BCAR1: variants seen among roughly 807,000 people sequenced by gnomAD.
BCAR1 encodes the protein breast cancer anti-estrogen resistance protein 1.
Under a neutral mutation model 67.6 loss-of-function variants are expected in BCAR1, and 30 were observed. The observed-to-expected ratio is 0.44, with a 90% CI of 0.33 to 0.60. BCAR1 has a LOEUF of 0.60. BCAR1 is among the 20% of genes least tolerant of loss of function. The pLI, the probability that BCAR1 is intolerant of heterozygous loss-of-function variation, is 0.02. For missense variants in BCAR1, 1,313 were observed against 1,222.3 expected (o/e 1.07, Z -1.11); for synonymous variants, 626 against 556.7 (o/e 1.12, Z -1.75).
At chr16:75,266,116 G>A (rs1455065407) in intron 1 of BCAR1, 3 of 859,822 alleles carry the variant, frequency 3.5e-6, no homozygotes, top group Non-Finnish European at 4.2e-6. Flanking sequence ...GGGGAGGCGC[G>A]GTCTCCTCCG....
At chr16:75,230,093 G>C in intron 6 of BCAR1, 70 bp from the exon 7 acceptor site, 1 of 1,501,766 alleles carries the variant, frequency 6.7e-7, no homozygotes. Flanking sequence ...CGAGACCTGG[G>C]CACCCTGGGC....
In BCAR1 at chr16:75,236,660, A is replaced by G. The variant is rs1462061203; in HGVS notation, c.912+222T>C. ...CTTGCGGATACCCTCTCAGGAGCTC[A>G]TGGAGAAGGCCTCGCAACAGGCGGT... On this transcript the variant is annotated intron_variant, in intron 4 of 6. Coordinates refer to ENST00000162330, the MANE Select transcript of BCAR1 (RefSeq NM_014567.5). 16 of 879,338 alleles carry G rather than the reference A, an allele frequency of 1.8e-5. No individual in the cohort carries two copies. The Admixed American group carries it at 5.0e-4, about 27-fold the overall frequency. 54.5% of individuals were successfully genotyped at this position (879,338 alleles called of 1,614,324 possible). A position where few individuals can be genotyped will look rare whatever the true frequency, so the allele number is the denominator to read the frequency against.
At chr16:75,230,550 A>G (rs946655827) in intron 6 of BCAR1, among the ~76,000 whole-genome samples, 1 of 152,240 alleles carries the variant, frequency 6.6e-6, no homozygotes, top group African/African-American at 2.4e-5. Flanking sequence ...CTGTAATCCA[A>G]TGCCCCTAAA....
chr16:75,250,308 C>T (rs2077639158), intron 1 of BCAR1, among the ~76,000 whole-genome samples: 1 of 152,090 alleles, frequency 6.6e-6, no homozygotes, highest in South Asian at 2.1e-4. Flanking sequence ...ACCTGGGCCC[C>T]GATTCTCCAG....
intron 6 of BCAR1, among the ~76,000 whole-genome samples, 195 bp downstream of exon 6, chr16:75,233,651 T>C (rs182830677): frequency 5.9e-5 from 9 of 152,280 alleles, no homozygotes; most frequent in Admixed American, 5.9e-4. Flanking sequence ...ACAATTACTC[T>C]TGAAAACTTT....
chr16:75,263,570 C>G, intron 1 of BCAR1: 1 of 985,478 alleles, frequency 1.0e-6, no homozygotes, highest in Non-Finnish European at 1.2e-6. Context: ...CCAGCTGATC[C>G]CCGGCATCTC....
At position 75,265,896 on chromosome 16, in the gene BCAR1, C is replaced by A. The variant is rs2077999859; in HGVS notation, c.66+2019G>T. 5 of 1,127,116 alleles carry A rather than the reference C, an allele frequency of 4.4e-6. No homozygotes were observed. In the South Asian group the frequency reaches 1.7e-4, roughly 39 times the overall value. The allele number at this position is 1,127,116 out of a possible 1,614,324, so 69.8% of individuals were successfully genotyped here. A position where few individuals can be genotyped will look rare whatever the true frequency, so the allele number is the denominator to read the frequency against. On this transcript the variant is annotated intron_variant, in intron 1 of 6. Transcript: ENST00000393422. ...GCGCCAGCGGGCTGGGGGCTCGGGT[C>A]CGCCCGCGCCGCTCAGAGGCCCCGC...
chr16:75,234,659 CAG>C (rs1485209178), intron 5 of BCAR1, among the ~76,000 whole-genome samples: 1 of 152,256 alleles, frequency 6.6e-6, no homozygotes, highest in Non-Finnish European at 1.5e-5. Flanking sequence ...CACAGAACAG[CAG>C]AGTCACCGCT....
intron 1 of BCAR1, among the ~76,000 whole-genome samples, chr16:75,261,634 T>C (rs1004725983): frequency 1.3e-5 from 2 of 152,250 alleles, no homozygotes; most frequent in African/African-American, 4.8e-5. Flanking sequence ...CAGGTCACTC[T>C]CTGGTTGGAG....
intron 5 of BCAR1, among the ~76,000 whole-genome samples, chr16:75,234,160 GACAGACACACACACACACACACACACAC>G (rs1273884508): frequency 1.1e-5 from 1 of 87,804 alleles, no homozygotes; most frequent in Non-Finnish European, 2.4e-5. Flanking sequence ...GGGGCAGGCA[GACAGACACACACACACACACACACACAC>G]ACACACACAC....
chr16:75,235,126 C>T lies in BCAR1; in HGVS notation c.1773G>A (p.Lys591=), dbSNP rs1381735840. 2.5e-6 allele frequency: 4 copies of T among 1,610,236 alleles called. No individual in the cohort carries two copies. Among genetic ancestry groups the T allele is most frequent in the Non-Finnish European group, 2.5e-6 (3 of 1,179,984 alleles). ...TGCCGTGCAGGAAGGAGGCCAGCTG[C>T]TTGGCGTCCTCGGGCACAGCCCGCG... ...ACSRAVPEDA[K]QLASFLHGNA... is the part of the protein sequence containing the mutation. Residue 591 remains lysine (K), a synonymous_variant, in exon 5 of 7, where the codon AAG becomes AAA. Coordinates refer to ENST00000162330, the MANE Select transcript of BCAR1 (RefSeq NM_014567.5).
chr16:75,244,907 A>C (rs1256148421), intron 1 of BCAR1, among the ~76,000 whole-genome samples: 4 of 152,268 alleles, frequency 2.6e-5, no homozygotes, highest in Non-Finnish European at 4.4e-5. Flanking sequence ...AGAGAGGGTC[A>C]GGAAGACACC....
At position 75,257,794 on chromosome 16, in the gene BCAR1, G is replaced by A. The variant is rs892195124; in HGVS notation, c.66+10121C>T. Among the ~76,000 whole-genome samples the A allele has an allele frequency of 7.2e-5, 11 of 152,302 alleles. No homozygotes were observed. In the East Asian group the frequency reaches 1.9e-3, roughly 27 times the overall value. On this transcript the variant is annotated intron_variant, in intron 1 of 6. Coordinates refer to the BCAR1 transcript ENST00000393422. Reference sequence around the variant, plus strand: ...TTTTTCTCCCTCCTTGGACAGCATCGTGGGGCTAGGCTGGGTGTCCCACTG... The same window carrying A: ...TTTTTCTCCCTCCTTGGACAGCATCATGGGGCTAGGCTGGGTGTCCCACTG...
intron 1 of BCAR1, chr16:75,266,625 C>T (rs2078013031): frequency 2.1e-6 from 2 of 936,988 alleles, no homozygotes; most frequent in Non-Finnish European, 2.8e-6. Flanking sequence ...TGGGCACGTG[C>T]ATGTTCGTCC....
intron 1 of BCAR1, chr16:75,266,080 G>A (rs1426000445): frequency 6.0e-6 from 6 of 1,003,572 alleles, no homozygotes; most frequent in South Asian, 4.7e-5. Flanking sequence ...CCGGACCTAG[G>A]CCTTTTTCTG....
At chr16:75,266,040 G>C (rs2078004391) in intron 1 of BCAR1, 1 of 1,026,468 alleles carries the variant, frequency 9.7e-7, no homozygotes, top group Admixed American at 5.7e-5. Context: ...CACCGTCTCC[G>C]CGGCCAGGGA....
At chr16:75,252,592 G>A (rs1205092488), upstream of BCAR1, among the ~76,000 whole-genome samples, 1 of 151,796 alleles carries the variant, frequency 6.6e-6, no homozygotes, top group African/African-American at 2.4e-5. Flanking sequence ...GACCGAGCCT[G>A]GTCCAGACCA....
Position 75,229,782 on chromosome 16 carries a change from T to G in BCAR1, c.2342A>C (p.His781Pro). The G allele has an allele frequency of 6.2e-7, 1 of 1,613,514 alleles. No homozygotes were observed. The highest frequency in any genetic ancestry group is 8.5e-7 in the Non-Finnish European group (1 of 1,180,008). The change falls in exon 7 of 7, where the codon CAC becomes CCC. Residue 781 changes from histidine (H) to proline (P), a missense_variant. Physicochemically the swap from His to Pro is moderately conservative, Grantham distance 77. This residue lies in a region of BCAR1 where 1,272 missense variants were observed against 1,137.5 expected (regional missense o/e 1.12). Transcript: ENST00000162330. ...TNQPPKIFVA[H>P]SKFVILSAHK... ...GGCGCTGAGGATGACGAACTTGCTGTGCGCCACAAAGATCTTGGGCGGCTG... is the reference window on the plus strand; with the variant it reads ...GGCGCTGAGGATGACGAACTTGCTGGGCGCCACAAAGATCTTGGGCGGCTG...
chr16:75,232,423 G>A (rs909683015), intron 6 of BCAR1, among the ~76,000 whole-genome samples: 1 of 152,164 alleles, frequency 6.6e-6, no homozygotes, highest in Admixed American at 6.5e-5. Context: ...GCCTCCCAAT[G>A]TGCTGGGATT....
Sources: allele counts gnomAD v4.1 joint callset (sites outside exome capture counted in the v4.1 genomes callset), GRCh38; gene constraint gnomAD v4.1.1; regional missense constraint gnomAD v4.1.1; transcripts MANE v1.5; gene names NCBI Gene and HGNC (gene_info 2026-07-23, HGNC 2026-07-21).